Variants in AGAP1 observed in about 807,000 individuals in gnomAD.
AGAP1 encodes arf-GAP with GTPase, ANK repeat and PH domain-containing protein 1.
AGAP1 carries 29 observed loss-of-function variants against 105.3 expected under a neutral mutation model. The observed-to-expected ratio is 0.28, with a 90% CI of 0.21 to 0.38. The LOEUF is 0.38. Among genes scored for constraint, AGAP1 ranks in the 10% least tolerant of loss-of-function variants. The pLI is 1.00. For missense variants in AGAP1, 998 were observed against 1,165.1 expected (o/e 0.86, Z 2.09); for synonymous variants, 509 against 485.9 (o/e 1.05, Z -0.63).
intron 1 of AGAP1, among the ~76,000 whole-genome samples, chr2:235,668,666 C>G (rs765649765): frequency 6.6e-6 from 1 of 152,198 alleles, no homozygotes; most frequent in Non-Finnish European, 1.5e-5. Context: ...ATATTGTGGC[C>G]TCCGATAACA....
chr2:235,686,101 T>C (rs1949366602), intron 1 of AGAP1, among the ~76,000 whole-genome samples: 1 of 152,120 alleles, frequency 6.6e-6, no homozygotes, highest in African/African-American at 2.4e-5. Flanking sequence ...CCCTTTAGCT[T>C]AGTGATTTTG....
Position 235,792,274 on chromosome 2 carries a change from C to T in AGAP1, c.674-5485C>T, listed in dbSNP as rs369150658. On this transcript the variant is annotated intron_variant, in intron 6 of 17. Coordinates refer to ENST00000304032, the MANE Select transcript of AGAP1 (RefSeq NM_001037131.3). This position sits in a 1 kb window ranked among gnomAD's most constrained non-coding sequence, Gnocchi z 5.3. The stretch of plus-strand genomic sequence containing the variant: ...TGTGTCTTCCTTAGTTCTCTGCCCC[C>T]ACTTTTCCCCACCCTTCACGTGTCA... Among the ~76,000 whole-genome samples the T allele has an allele frequency of 3.9e-5, 6 of 152,282 alleles. No individual in the cohort carries two copies. Among genetic ancestry groups the T allele is most frequent in the African/African-American group, 1.4e-4 (6 of 41,558 alleles).
chr2:235,973,702 G>A lies in AGAP1; in HGVS notation c.1645+5079G>A, dbSNP rs1345105057. 1.3e-5 allele frequency among the ~76,000 whole-genome samples: 2 copies of A among 152,202 alleles called. No individual in the cohort carries two copies. Among genetic ancestry groups the A allele is most frequent in the African/African-American group, 4.8e-5 (2 of 41,462 alleles). On this transcript the variant is annotated intron_variant, in intron 13 of 17. Transcript: ENST00000304032. The surrounding 1 kb of genome is among the most constrained non-coding windows in gnomAD (Gnocchi z 4.7). Reference sequence around the variant, plus strand: ...ACCTGATGGGTGGAAGCCTCAAGGAGGTGGATTTTGATTCTGATATTAAAA... The same window carrying A: ...ACCTGATGGGTGGAAGCCTCAAGGAAGTGGATTTTGATTCTGATATTAAAA...
intron 16 of AGAP1, among the ~76,000 whole-genome samples, chr2:236,106,481 T>G (rs978138532): frequency 6.6e-6 from 1 of 152,226 alleles, no homozygotes; most frequent in Non-Finnish European, 1.5e-5. Context: ...GCCCCTGCCC[T>G]CTGTGTGATG....
chr2:235,815,826 C>G (rs1958420833), intron 9 of AGAP1, among the ~76,000 whole-genome samples: 1 of 152,218 alleles, frequency 6.6e-6, no homozygotes, highest in African/African-American at 2.4e-5. Flanking sequence ...TGGAACGAAT[C>G]CTTATACCAG....
At chr2:235,500,870 T>A (rs922846846) in intron 1 of AGAP1, among the ~76,000 whole-genome samples, 5 of 152,102 alleles carry the variant, frequency 3.3e-5, no homozygotes. Context: ...TACAGAGTGG[T>A]CCCATGGCGG....
At chr2:235,848,580 ACT>A (rs1961789086) in intron 9 of AGAP1, among the ~76,000 whole-genome samples, 1 of 152,190 alleles carries the variant, frequency 6.6e-6, no homozygotes, top group South Asian at 2.1e-4. Context: ...TGAGATCATT[ACT>A]CTCGAGAATA....
intron 15 of AGAP1, among the ~76,000 whole-genome samples, chr2:236,041,475 C>T (rs2057548077): frequency 6.6e-6 from 1 of 151,906 alleles, no homozygotes; most frequent in Admixed American, 6.6e-5. Flanking sequence ...CATCGAGTAC[C>T]CCAGTTTTAT....
intron 1 of AGAP1, among the ~76,000 whole-genome samples, chr2:235,585,444 A>G (rs1256852802): frequency 6.6e-6 from 1 of 152,072 alleles, no homozygotes; most frequent in East Asian, 1.9e-4. Context: ...CCCCCATCTC[A>G]AAATCTTTCA....
rs2057354999 is a variant in AGAP1 at position 236,035,577 on chromosome 2, T to C, written c.1646-984T>C. ...AGGTGGAAGATATAATGAGCTGTGA[T>C]TGCACCATGGCACTCCAGCTTGGAC... On this transcript the variant is annotated intron_variant, in intron 13 of 17. Coordinates refer to ENST00000304032, the MANE Select transcript of AGAP1 (RefSeq NM_001037131.3). The surrounding 1 kb of genome is among the most constrained non-coding windows in gnomAD (Gnocchi z 4.2). Among the ~76,000 whole-genome samples the C allele has an allele frequency of 6.6e-6, 1 of 152,162 alleles. No individual in the cohort carries two copies. Among genetic ancestry groups the C allele is most frequent in the South Asian group, 2.1e-4 (1 of 4,822 alleles).
rs776680737 is a variant in AGAP1 at position 235,982,329 on chromosome 2, A to C, written c.1645+13706A>C. Among the ~76,000 whole-genome samples, 49 of 123,874 alleles carry C rather than the reference A, an allele frequency of 4.0e-4. No individual in the cohort carries two copies. Among genetic ancestry groups the C allele is most frequent in the Admixed American group, 2.7e-3 (38 of 14,102 alleles). The allele number at this position is 123,874 out of a possible 152,430, so 81.3% of individuals were successfully genotyped here. A position where few individuals can be genotyped will look rare whatever the true frequency, so the allele number is the denominator to read the frequency against. ...ATATAATTACCTCAACGGGCCAATT[A>C]ATTAAGCAATTTAAGATCTATAACT... On this transcript the variant is annotated intron_variant, in intron 13 of 17. Transcript: ENST00000304032. The surrounding 1 kb of genome is among the most constrained non-coding windows in gnomAD (Gnocchi z 4.9).
At chr2:235,676,550 A>G (rs1172534872) in intron 1 of AGAP1, among the ~76,000 whole-genome samples, 1 of 152,248 alleles carries the variant, frequency 6.6e-6, no homozygotes. Context: ...TGACTCCACC[A>G]GCAAGGTGTT....
At position 235,566,547 on chromosome 2, in the gene AGAP1, C is replaced by A. The variant is rs1944352545; in HGVS notation, c.163+71698C>A. The A allele has an allele frequency of 1.0e-6, 1 of 984,718 alleles. No individual in the cohort carries two copies. The highest frequency in any genetic ancestry group is 1.7e-5 in the African/African-American group (1 of 57,196). 61.0% of individuals were successfully genotyped at this position (984,718 alleles called of 1,614,324 possible). Reference sequence around the variant, plus strand: ...TCAGTGCGCCGTACGTTTTGGCCAGCACTTTATTTTATGGAACAGAGGACT... The same window carrying A: ...TCAGTGCGCCGTACGTTTTGGCCAGAACTTTATTTTATGGAACAGAGGACT... On this transcript the variant is annotated intron_variant, in intron 1 of 17. Coordinates refer to ENST00000304032, the MANE Select transcript of AGAP1 (RefSeq NM_001037131.3). The surrounding 1 kb of genome is among the most constrained non-coding windows in gnomAD (Gnocchi z 5.2).
Position 235,734,727 on chromosome 2 carries a change from T to C in AGAP1, c.311-6236T>C, listed in dbSNP as rs1263703653. Among the ~76,000 whole-genome samples, 1 of 152,212 alleles carries C rather than the reference T, an allele frequency of 6.6e-6. No individual in the cohort carries two copies. The highest frequency in any genetic ancestry group is 1.5e-5 in the Non-Finnish European group (1 of 68,026). On this transcript the variant is annotated intron_variant, in intron 3 of 17. Transcript: ENST00000304032. The surrounding 1 kb of genome is among the most constrained non-coding windows in gnomAD (Gnocchi z 5.3). ...TAGTCCCGCCTCTCTGCCTGTTTGATGTTGGCCCTGTGGATGCTGCAAAAC... is the reference window on the plus strand; with the variant it reads ...TAGTCCCGCCTCTCTGCCTGTTTGACGTTGGCCCTGTGGATGCTGCAAAAC...
At position 235,637,868 on chromosome 2, in the gene AGAP1, G is replaced by A. The variant is rs888885737; in HGVS notation, c.164-71311G>A. Among the ~76,000 whole-genome samples the A allele has an allele frequency of 2.0e-5, 3 of 152,128 alleles. No individual in the cohort carries two copies. In the East Asian group the frequency reaches 5.8e-4, roughly 29 times the overall value. Reference sequence around the variant, plus strand: ...CCGAGAACCAGGAGCTCTGATGTCCGAGTGCAGGAAGAGACAGATGTTCCA... The same window carrying A: ...CCGAGAACCAGGAGCTCTGATGTCCAAGTGCAGGAAGAGACAGATGTTCCA... On this transcript the variant is annotated intron_variant, in intron 1 of 17. Coordinates refer to ENST00000304032, the MANE Select transcript of AGAP1 (RefSeq NM_001037131.3).
chr2:235,503,146 A>G (rs1574700131), intron 1 of AGAP1, among the ~76,000 whole-genome samples: 1 of 152,208 alleles, frequency 6.6e-6, no homozygotes, highest in African/African-American at 2.4e-5. Context: ...ACCCTTCAGC[A>G]GGATTGGTAT....
chr2:235,912,240 A>T (rs2051653712), intron 11 of AGAP1, among the ~76,000 whole-genome samples: 1 of 152,184 alleles, frequency 6.6e-6, no homozygotes, highest in Non-Finnish European at 1.5e-5. Context: ...TGGGGATTTG[A>T]GTTTTTATAC....
intron 12 of AGAP1, among the ~76,000 whole-genome samples, chr2:235,940,830 C>G (rs1575834066): frequency 6.6e-6 from 1 of 152,152 alleles, no homozygotes; most frequent in African/African-American, 2.4e-5. Context: ...TTGTCTGTCT[C>G]CACTTTCTTG....
rs11900422 is a variant in AGAP1, at chr2:235,780,996, C to G, written c.674-16763C>G. On this transcript the variant is annotated intron_variant, in intron 6 of 17. Coordinates refer to ENST00000304032, the MANE Select transcript of AGAP1 (RefSeq NM_001037131.3). ...CTGCAGCCACTCTTTGCTAAATATT[C>G]TCTGGACAATTATTTAAGACATTTT... Among the ~76,000 whole-genome samples, 802 of 152,238 alleles carry G rather than the reference C, an allele frequency of 5.3e-3. 6 individuals carry two copies. Among genetic ancestry groups the G allele is most frequent in the African/African-American group, 0.018 (763 of 41,546 alleles).
Sources: gnomAD v4.1 joint callset for allele counts (sites outside exome capture counted in the v4.1 genomes callset) on GRCh38, gnomAD v4.1.1 for gene constraint, Gnocchi (gnomAD v3.1) non-coding constraint, MANE v1.5 for transcripts, NCBI Gene and HGNC (gene_info 2026-07-23, HGNC 2026-07-21) for gene names.